CCDC40: variants seen among roughly 807,000 people sequenced by gnomAD.
CCDC40 encodes coiled-coil domain-containing protein 40.
A neutral mutation model predicts 124.5 loss-of-function variants in CCDC40; 104 were observed. The observed-to-expected ratio is 0.84, with a 90% CI of 0.71 to 0.98. The LOEUF (loss-of-function observed/expected upper bound fraction) is 0.98, where lower values mean the gene tolerates loss of function less well. Among genes scored for constraint, CCDC40 ranks in the 50% least tolerant of loss-of-function variants. The probability of loss-of-function intolerance (pLI) is 0.00; values close to 1 mark genes in which losing one functional copy is unlikely to be tolerated. For synonymous variants in CCDC40, 580 were observed against 602.9 expected (o/e 0.96, Z 0.56); for missense variants, 1,463 against 1,503.9 (o/e 0.97, Z 0.45).
rs1408041056 is a variant in CCDC40 at position 80,040,236 on chromosome 17, G to A, written c.518G>A (p.Gly173Asp). The change falls in exon 3 of 20, where the codon GGC (glycine) becomes GAC (aspartate). Residue 173 changes from glycine (G) to aspartate (D), a missense_variant. Physicochemically the swap from Gly to Asp is moderately conservative, Grantham distance 94. Coordinates refer to ENST00000397545, the MANE Select transcript of CCDC40 (RefSeq NM_017950.4). ...GTCTTAGGCCCGTCGGAGCAAATGG[G>A]CCAGGTCACCTCTGGGCCAGCAGTG... Reference protein sequence around the residue: ...HGVLGPSEQMGQVTSGPAVGR... With the variant: ...HGVLGPSEQMDQVTSGPAVGR... 4 of 1,613,790 alleles carry A rather than the reference G, an allele frequency of 2.5e-6. No homozygotes were observed. Among genetic ancestry groups the A allele is most frequent in the Non-Finnish European group, 1.7e-6 (2 of 1,179,998 alleles).
intron 1 of CCDC40, among the ~76,000 whole-genome samples, chr17:80,037,085 C>T (rs985560104): frequency 1.3e-5 from 2 of 152,166 alleles, no homozygotes; most frequent in Non-Finnish European, 2.9e-5. Flanking sequence ...TGGATACCGC[C>T]CCTGACCTTG....
chr17:80,040,443 C>T lies in CCDC40; in HGVS notation c.552+173C>T, dbSNP rs914361108. On this transcript the variant is annotated intron_variant, in intron 3 of 19. Transcript: ENST00000397545. ...CCTGTAATCCCAGCACTTTGGGAGG[C>T]GAAGGTGGGTGGGTCACCTGAGGTC... is the stretch of plus-strand genomic sequence containing the variant. 1.3e-5 allele frequency: 9 copies of T among 683,936 alleles called. 1 individual carries two copies. Among genetic ancestry groups the T allele is most frequent in the South Asian group, 9.2e-5 (5 of 54,560 alleles). 42.4% of individuals were successfully genotyped at this position (683,936 alleles called of 1,614,324 possible).
chr17:80,040,499 T>C (rs2037250310), intron 3 of CCDC40: 3 of 550,622 alleles, frequency 5.4e-6, no homozygotes, highest in Non-Finnish European at 9.8e-6. Flanking sequence ...GCCAACGTGG[T>C]GAAATCCTGT....
rs886038641 is a variant in CCDC40, at chr17:80,048,574, TC to T, written c.677-3del. 3.1e-6 allele frequency: 5 copies of T among 1,609,278 alleles called. No homozygotes were observed. The highest frequency in any genetic ancestry group is 1.7e-5 in the Admixed American group (1 of 59,954). On this transcript the variant is annotated splice_region_variant and splice_polypyrimidine_tract_variant and intron_variant, in intron 4 of 19. Transcript: ENST00000397545. ...AGCTCCTCAATGGTGTCGCTGTCTC[TC>T]CCCCCAGTGATCCCCCCAGGGGTGC...
chr17:80,068,226 GT>G (rs929562376), intron 10 of CCDC40, among the ~76,000 whole-genome samples: 3 of 152,148 alleles, frequency 2.0e-5, no homozygotes, highest in Non-Finnish European at 4.4e-5. Context: ...TAGAGACGGG[GT>G]TTCACCATGT....
intron 3 of CCDC40, among the ~76,000 whole-genome samples, chr17:80,043,359 C>A (rs1375265213): frequency 6.6e-6 from 1 of 152,162 alleles, no homozygotes; most frequent in Non-Finnish European, 1.5e-5. Flanking sequence ...CTCATTGATG[C>A]TGGGGTGTCA....
chr17:80,078,074 C>G (rs1311277890), intron 10 of CCDC40, among the ~76,000 whole-genome samples: 4 of 152,014 alleles, frequency 2.6e-5, no homozygotes, highest in Admixed American at 6.6e-5. Flanking sequence ...GCTCATGCCT[C>G]TAATCCCAGC....
At chr17:80,055,996 A>ATTTTTTTTTTTTTTTTTTTTTTTTT (rs1568682519) in intron 7 of CCDC40, among the ~76,000 whole-genome samples, 1 of 5,670 alleles carries the variant, frequency 1.8e-4, no homozygotes, top group African/African-American at 3.2e-4. Flanking sequence ...ATATATATAT[A>ATTTTTTTTTTTTTTTTTTTTTTTTT]TATATATATA....
At chr17:80,079,357 G>T (rs920681119) in intron 10 of CCDC40, among the ~76,000 whole-genome samples, 3 of 151,878 alleles carry the variant, frequency 2.0e-5, no homozygotes, top group African/African-American at 7.3e-5. Context: ...ATTATTCTCG[G>T]GTGTTTATCT....
chr17:80,093,382 C>CA lies in CCDC40; in HGVS notation c.2833-1880dup, dbSNP rs1292934275. ...ATTTTTAGTAGAGATGGGGTTTCAC[C>CA]ATGTTGGCCAGGCTGGCCTTGAACT... On this transcript the variant is annotated intron_variant, in intron 17 of 19. Transcript: ENST00000397545. Among the ~76,000 whole-genome samples, 8 of 152,132 alleles carry CA rather than the reference C, an allele frequency of 5.3e-5. No individual in the cohort carries two copies. In the East Asian group the frequency reaches 1.5e-3, roughly 29 times the overall value.
At chr17:80,073,060 T>C (rs1417834736) in intron 10 of CCDC40, among the ~76,000 whole-genome samples, 1 of 152,082 alleles carries the variant, frequency 6.6e-6, no homozygotes, top group Non-Finnish European at 1.5e-5. Flanking sequence ...TGGAGTGCAG[T>C]GGGGCGATCT....
At chr17:80,057,914 T>TA (rs1159610536) in intron 7 of CCDC40, among the ~76,000 whole-genome samples, 2 of 152,118 alleles carry the variant, frequency 1.3e-5, no homozygotes, top group Non-Finnish European at 2.9e-5. Flanking sequence ...CAAGTTTTGT[T>TA]AAAGGAATCA....
intron 10 of CCDC40, among the ~76,000 whole-genome samples, chr17:80,068,708 T>C (rs985280445): frequency 5.9e-5 from 9 of 151,684 alleles, no homozygotes; most frequent in Non-Finnish European, 1.2e-4. Flanking sequence ...AGAAGCTTGG[T>C]TTTGCCATCA....
chr17:80,090,272 T>C, intron 17 of CCDC40: 1 of 1,287,326 alleles, frequency 7.8e-7, no homozygotes, highest in South Asian at 1.6e-5. Context: ...CGCGGGCACG[T>C]GCACGAACAA....
In CCDC40 at chr17:80,086,579, G is replaced by A; in HGVS notation, c.2449+363G>A. On this transcript the variant is annotated intron_variant, in intron 14 of 19. Coordinates refer to ENST00000397545, the MANE Select transcript of CCDC40 (RefSeq NM_017950.4). This position sits in a 1 kb window ranked among gnomAD's most constrained non-coding sequence, Gnocchi z 5.5. ...TCCTGCCAGGCAGGCTCCTGGTGCTGTCCCCACATCACCTCCAGTTGGGCT... is the reference window on the plus strand; with the variant it reads ...TCCTGCCAGGCAGGCTCCTGGTGCTATCCCCACATCACCTCCAGTTGGGCT... 2 of 322,372 alleles carry A rather than the reference G, an allele frequency of 6.2e-6. No homozygotes were observed. Among genetic ancestry groups the A allele is most frequent in the Non-Finnish European group, 1.2e-5 (2 of 166,870 alleles). 20.0% of individuals were successfully genotyped at this position (322,372 alleles called of 1,614,324 possible). A position where few individuals can be genotyped will look rare whatever the true frequency, so the allele number is the denominator to read the frequency against.
chr17:80,086,597 G>A lies in CCDC40; in HGVS notation c.2449+381G>A, dbSNP rs1279629535. On this transcript the variant is annotated intron_variant, in intron 14 of 19. Coordinates refer to ENST00000397545, the MANE Select transcript of CCDC40 (RefSeq NM_017950.4). This position sits in a 1 kb window ranked among gnomAD's most constrained non-coding sequence, Gnocchi z 5.5. Reference sequence around the variant, plus strand: ...TGGTGCTGTCCCCACATCACCTCCAGTTGGGCTTAGAAAACCATTCCACCG... The same window carrying A: ...TGGTGCTGTCCCCACATCACCTCCAATTGGGCTTAGAAAACCATTCCACCG... 2 of 288,624 alleles carry A rather than the reference G, an allele frequency of 6.9e-6. No individual in the cohort carries two copies. Among genetic ancestry groups the A allele is most frequent in the African/African-American group, 2.2e-5 (1 of 44,954 alleles). The allele number at this position is 288,624 out of a possible 1,614,324, so 17.9% of individuals were successfully genotyped here. A position where few individuals can be genotyped will look rare whatever the true frequency, so the allele number is the denominator to read the frequency against.
At chr17:80,055,028 A>C (rs887354986) in intron 7 of CCDC40, among the ~76,000 whole-genome samples, 1 of 152,004 alleles carries the variant, frequency 6.6e-6, no homozygotes, top group East Asian at 1.9e-4. Flanking sequence ...TAAAAAAAAA[A>C]GGCTTCCTGG....
rs10582928 is a variant in CCDC40 at position 80,044,716 on chromosome 17, AAT to A, written c.553-2542_553-2541del. ...AACAAAACAAACAAACAAAAAAAAA[AAT>A]ATATATATATATATATATATCTCAA... On this transcript the variant is annotated intron_variant, in intron 3 of 19. Coordinates refer to ENST00000397545, the MANE Select transcript of CCDC40 (RefSeq NM_017950.4). 1.0e-3 allele frequency among the ~76,000 whole-genome samples: 132 copies of A among 131,754 alleles called. 1 individual carries two copies. Among genetic ancestry groups the A allele is most frequent in the African/African-American group, 2.1e-3 (64 of 30,352 alleles). The allele number at this position is 131,754 out of a possible 152,430, so 86.4% of individuals were successfully genotyped here. A position where few individuals can be genotyped will look rare whatever the true frequency, so the allele number is the denominator to read the frequency against.
In CCDC40 at chr17:80,087,929, G is replaced by A. The variant is rs2038622528; in HGVS notation, c.2620-82G>A. 7.6e-7 allele frequency: 1 copy of A among 1,307,612 alleles called. No homozygotes were observed. The highest frequency in any genetic ancestry group is 2.1e-4 in the Middle Eastern group (1 of 4,698). The allele number at this position is 1,307,612 out of a possible 1,614,324, so 81.0% of individuals were successfully genotyped here. A position where few individuals can be genotyped will look rare whatever the true frequency, so the allele number is the denominator to read the frequency against. On this transcript the variant is annotated intron_variant, in intron 15 of 19. Transcript: ENST00000397545. The surrounding 1 kb of genome is among the most constrained non-coding windows in gnomAD (Gnocchi z 4.5). ...AATCCAGCCTGCAGCCCTGCCCTCG[G>A]TGCCGGGATAGAGGGCACCAGCCCC...
Sources: gnomAD v4.1 joint callset for allele counts (sites outside exome capture counted in the v4.1 genomes callset) on GRCh38, gnomAD v4.1.1 for gene constraint, Gnocchi (gnomAD v3.1) non-coding constraint, MANE v1.5 for transcripts, NCBI Gene and HGNC (gene_info 2026-07-23, HGNC 2026-07-21) for gene names.